ZDHHC5: variants seen among roughly 807,000 people sequenced by gnomAD.
The protein encoded by ZDHHC5 is palmitoyltransferase ZDHHC5.
ZDHHC5 carries 22 observed loss-of-function variants against 70.0 expected under a neutral mutation model. The ratio of observed to expected loss-of-function variants is 0.31; its 90% CI spans 0.22 to 0.45. The LOEUF (loss-of-function observed/expected upper bound fraction) is 0.45, where lower values mean the gene tolerates loss of function less well. ZDHHC5 is among the 20% of genes least tolerant of loss of function. The probability of loss-of-function intolerance (pLI) is 1.00; values close to 1 mark genes in which losing one functional copy is unlikely to be tolerated. For missense variants in ZDHHC5, 746 were observed against 926.9 expected, an observed-to-expected ratio of 0.80 and a Z score of 2.53; for synonymous variants, 313 against 347.8, an observed-to-expected ratio of 0.90 and a Z score of 1.11.
chr11:57,683,761 C>T (rs1946175941), intron 3 of ZDHHC5, among the ~76,000 whole-genome samples: 2 of 151,974 alleles, frequency 1.3e-5, no homozygotes, highest in South Asian at 2.1e-4. Context: ...GAGGTTAGAC[C>T]TGATCAGCAC....
chr11:57,693,456 C>G (rs1946311501), intron 7 of ZDHHC5, among the ~76,000 whole-genome samples: 1 of 152,148 alleles, frequency 6.6e-6, no homozygotes, highest in African/African-American at 2.4e-5. Flanking sequence ...GTCTGCGGCC[C>G]AGGGGTTGGG....
intron 6 of ZDHHC5, among the ~76,000 whole-genome samples, chr11:57,691,103 G>A (rs944394076): frequency 1.3e-5 from 2 of 151,966 alleles, no homozygotes; most frequent in Non-Finnish European, 2.9e-5. Flanking sequence ...ACAGAGTCTT[G>A]ATCTGTCGCC....
At chr11:57,683,974 T>TAA (rs1946179056) in intron 3 of ZDHHC5, among the ~76,000 whole-genome samples, 1 of 147,140 alleles carries the variant, frequency 6.8e-6, no homozygotes, top group African/African-American at 2.5e-5. Context: ...AATAATTAAT[T>TAA]TTTTTTTTTT....
At position 57,699,225 on chromosome 11, in the gene ZDHHC5, A is replaced by C. The variant is rs771993457; in HGVS notation, c.1789A>C (p.Lys597Gln). 1.2e-6 allele frequency: 2 copies of C among 1,614,262 alleles called. No homozygotes were observed. Among genetic ancestry groups the C allele is most frequent in the East Asian group, 4.5e-5 (2 of 44,892 alleles). Residue 597 changes from lysine (K) to glutamine (Q), a missense_variant, in exon 11 of 12, where the codon AAG (lysine) becomes CAG (glutamine). Physicochemically the swap from Lys to Gln is moderately conservative, Grantham distance 53 (BLOSUM62 1). This residue lies in a region of ZDHHC5 where 340 missense variants were observed against 350.1 expected (regional missense o/e 0.97). Coordinates refer to ENST00000287169, the MANE Select transcript of ZDHHC5 (RefSeq NM_015457.3). ...TGATTCAAAGAGATCACCTTTGGGC[A>C]AGACTCCACTGGGACGCCCAGCTGT... Reference protein sequence around the residue: ...SDDSKRSPLGKTPLGRPAVPR... With the variant: ...SDDSKRSPLGQTPLGRPAVPR...
chr11:57,695,947 A>G lies in ZDHHC5; in HGVS notation c.913A>G (p.Ser305Gly), dbSNP rs778619518. 1.2e-6 allele frequency: 2 copies of G among 1,614,102 alleles called. No homozygotes were observed. The highest frequency in any genetic ancestry group is 8.5e-7 in the Non-Finnish European group (1 of 1,180,008). ...TAAGGGAAGCCTGGAGATAACAGAG[A>G]GCCAGTCTGCAGATGCTGAACCTCC... ...KSKGSLEITE[S>G]QSADAEPPPP... The change falls in exon 9 of 12, where the codon AGC becomes GGC. Residue 305 changes from serine to glycine, a missense_variant. Ser to Gly is a moderately conservative substitution (Grantham distance 56). This residue lies in a region of ZDHHC5 where 179 missense variants were observed against 178.4 expected (regional missense o/e 1.00). Coordinates refer to ENST00000287169, the MANE Select transcript of ZDHHC5 (RefSeq NM_015457.3).
intron 3 of ZDHHC5, among the ~76,000 whole-genome samples, chr11:57,686,503 A>G (rs964882005): frequency 2.0e-5 from 3 of 151,878 alleles, no homozygotes; most frequent in Admixed American, 1.3e-4. Flanking sequence ...TTTAGTAGAG[A>G]TGGGGTCTCA....
rs755342726 is a variant in ZDHHC5, at chr11:57,699,030, C to A, written c.1594C>A (p.Arg532Ser). The A allele has an allele frequency of 2.0e-5, 33 of 1,610,892 alleles. No individual in the cohort carries two copies. Among genetic ancestry groups the A allele is most frequent in the Non-Finnish European group, 2.8e-5 (33 of 1,179,996 alleles). The change falls in exon 11 of 12, where the codon CGT (arginine) becomes AGT (serine). Residue 532 changes from arginine to serine, a missense_variant. Arg to Ser is a moderately radical substitution (Grantham distance 110, BLOSUM62 -1). Transcript: ENST00000287169. Reference sequence around the variant, plus strand: ...AACACACCGAGAGCCCTCACCAGTCCGTTACGACAATCTGTCGCGCCACAT... The same window carrying A: ...AACACACCGAGAGCCCTCACCAGTCAGTTACGACAATCTGTCGCGCCACAT... ...GPTHREPSPV[R>S]YDNLSRHIVA... is the part of the protein sequence containing the mutation.
intron 1 of ZDHHC5, among the ~76,000 whole-genome samples, chr11:57,669,024 A>T (rs1190386348): frequency 6.6e-6 from 1 of 152,230 alleles, no homozygotes. Context: ...AAGTTGATCT[A>T]ACATTTGCAT....
intron 8 of ZDHHC5, 104 bp from the exon 9 acceptor site, chr11:57,695,816 T>G: frequency 1.9e-4 from 258 of 1,359,746 alleles, no homozygotes; most frequent in Non-Finnish European, 2.3e-4. Flanking sequence ...AAAAAATACA[T>G]GAGAATTGAC....
intron 5 of ZDHHC5, 35 bp from the exon 6 acceptor site, chr11:57,690,300 A>G: frequency 6.2e-7 from 1 of 1,614,036 alleles, no homozygotes; most frequent in Non-Finnish European, 8.5e-7. Context: ...AAGTGAGGTC[A>G]TGTTGCTCTG....
In ZDHHC5 at chr11:57,693,856, G is replaced by C. The variant is rs1946316516; in HGVS notation, c.826G>C (p.Gly276Arg). The change falls in exon 8 of 12, where the codon GGG (glycine) becomes CGG (arginine). Residue 276 changes from glycine (G) to arginine (R), a missense_variant. Physicochemically the swap from Gly to Arg is moderately radical, Grantham distance 125. Around this residue, in one of 6 missense-constraint regions of ZDHHC5, gnomAD observed 114 missense variants for 179.3 expected, o/e 0.64. Coordinates refer to ENST00000287169, the MANE Select transcript of ZDHHC5 (RefSeq NM_015457.3). Reference protein sequence around the residue: ...PPFLRPEVSDGQITVKIMDNG... With the variant: ...PPFLRPEVSDRQITVKIMDNG... ...CTTCCTTCGACCAGAAGTTTCAGAT[G>C]GGCAGATAACTGTGAAGATCATGGA... 4 of 1,612,432 alleles carry C rather than the reference G, an allele frequency of 2.5e-6. No homozygotes were observed. The Admixed American group carries it at 6.7e-5, about 27-fold the overall frequency.
chr11:57,698,923 G>C lies in ZDHHC5; in HGVS notation c.1487G>C (p.Gly496Ala). The C allele has an allele frequency of 6.2e-7, 1 of 1,614,070 alleles. No individual in the cohort carries two copies. The highest frequency in any genetic ancestry group is 8.5e-7 in the Non-Finnish European group (1 of 1,180,034). ...GGGCCTGAGCCAGACCCACCTTTAG[G>C]CTATACCTCTCCCTTCCTGTCAGCC... ...QAGPEPDPPL[G>A]YTSPFLSARL... The change falls in exon 11 of 12, where the codon GGC becomes GCC. Residue 496 changes from glycine to alanine, a missense_variant. Physicochemically the swap from Gly to Ala is moderately conservative, Grantham distance 60. This residue lies in a region of ZDHHC5 where 340 missense variants were observed against 350.1 expected (regional missense o/e 0.97). Transcript: ENST00000287169.
rs779997555 is a variant in ZDHHC5 at position 57,699,320 on chromosome 11, C to G, written c.1884C>G (p.Ala628=). ...GVGSPEPGPT[A]PYLGRSMSYS... is the part of the protein sequence containing the mutation. ...GGTCCCCTGAACCAGGCCCAACAGC[C>G]CCATACCTGGGCCGATCGATGTCTT... is the stretch of plus-strand genomic sequence containing the variant. The change falls in exon 11 of 12, where the codon GCC becomes GCG. Residue 628 remains alanine (A), a synonymous_variant. Transcript: ENST00000287169. 2.5e-6 allele frequency: 4 copies of G among 1,613,958 alleles called. No individual in the cohort carries two copies. In the African/African-American group the frequency reaches 4.0e-5, roughly 16 times the overall value.
intron 3 of ZDHHC5, among the ~76,000 whole-genome samples, chr11:57,685,888 G>A (rs1365597364): frequency 6.6e-6 from 1 of 151,872 alleles, no homozygotes; most frequent in African/African-American, 2.4e-5. Context: ...TTAGCCGGGC[G>A]TGGTGGCGCA....
At chr11:57,680,363 C>T (rs191378897) in intron 2 of ZDHHC5, among the ~76,000 whole-genome samples, 53 of 152,162 alleles carry the variant, frequency 3.5e-4, no homozygotes, top group Middle Eastern at 3.4e-3. Context: ...GGCAAGAGAG[C>T]GAGACCCTGT....
At position 57,699,264 on chromosome 11, in the gene ZDHHC5, A is replaced by C. The variant is rs1444747517; in HGVS notation, c.1828A>C (p.Lys610Gln). 1.5e-5 allele frequency: 25 copies of C among 1,614,248 alleles called. No homozygotes were observed. Among genetic ancestry groups the C allele is most frequent in the African/African-American group, 2.7e-5 (2 of 75,078 alleles). ...ACGCCCAGCTGTCCCCCGTTTTGGC[A>C]AGCCAGATGGGCTAAGGGGCCGGGG... Reference protein sequence around the residue: ...LGRPAVPRFGKPDGLRGRGVG... With the variant: ...LGRPAVPRFGQPDGLRGRGVG... Residue 610 changes from lysine (K) to glutamine (Q), a missense_variant, in exon 11 of 12, where the codon AAG becomes CAG. By Grantham distance (53) the Lys-to-Gln change is moderately conservative. Around this residue, in one of 6 missense-constraint regions of ZDHHC5, gnomAD observed 340 missense variants for 350.1 expected, o/e 0.97. Coordinates refer to ENST00000287169, the MANE Select transcript of ZDHHC5 (RefSeq NM_015457.3).
chr11:57,682,115 A>G (rs2969946), intron 2 of ZDHHC5, among the ~76,000 whole-genome samples: 7,554 of 152,282 alleles, frequency 0.05, 655 homozygotes, highest in African/African-American at 0.17. Context: ...GAAAGGAGAT[A>G]AGGACAGATC....
Position 57,700,655 on chromosome 11 carries a change from GGT to G in ZDHHC5, c.*626_*627del, listed in dbSNP as rs1456913882. ...GTGATTAGGAAGAAGCCTGGGGAGAGGTGAGTCTGGAATTTTGGTCACAAGAG... is the reference window on the plus strand; with the variant it reads ...GTGATTAGGAAGAAGCCTGGGGAGAGGAGTCTGGAATTTTGGTCACAAGAG... On this transcript the variant is annotated 3_prime_UTR_variant, in exon 12 of 12. Coordinates refer to ENST00000287169, the MANE Select transcript of ZDHHC5 (RefSeq NM_015457.3). The G allele has an allele frequency of 1.3e-5, 2 of 152,464 alleles. No individual in the cohort carries two copies. Among genetic ancestry groups the G allele is most frequent in the African/African-American group, 4.8e-5 (2 of 41,380 alleles). The allele number at this position is 152,464 out of a possible 1,614,324, so 9.4% of individuals were successfully genotyped here.
intron 1 of ZDHHC5, 85 bp downstream of exon 1, chr11:57,668,272 G>A (rs1210346679): frequency 6.1e-6 from 2 of 329,498 alleles, no homozygotes; most frequent in Middle Eastern, 8.3e-4. Context: ...TAGGGAAGGG[G>A]GACCGAAGAC....
Sources: gnomAD v4.1 joint callset for allele counts (sites outside exome capture counted in the v4.1 genomes callset) on GRCh38, gnomAD v4.1.1 for gene constraint, gnomAD v4.1.1 regional missense constraint, MANE v1.5 for transcripts, NCBI Gene and HGNC (gene_info 2026-07-23, HGNC 2026-07-21) for gene names.